Variants in C8A observed in about 807,000 individuals in gnomAD.
The protein encoded by C8A is complement component C8 alpha chain.
Under a neutral mutation model 65.3 loss-of-function variants are expected in C8A, and 67 were observed. That is an observed-to-expected ratio of 1.03 (90% confidence interval 0.84 to 1.26). The LOEUF (loss-of-function observed/expected upper bound fraction) is 1.26. C8A is among the 50% of genes most tolerant of loss of function. The probability of loss-of-function intolerance (pLI) is 0.00; values close to 1 mark genes in which losing one functional copy is unlikely to be tolerated. For synonymous variants in C8A, 290 were observed against 259.4 expected, an observed-to-expected ratio of 1.12 and a Z score of -1.13; for missense variants, 781 against 723.9, an observed-to-expected ratio of 1.08 and a Z score of -0.90.
At chr1:56,913,827 C>G (rs1347265191) in intron 10 of C8A, among the ~76,000 whole-genome samples, 2 of 152,146 alleles carry the variant, frequency 1.3e-5, no homozygotes, top group African/African-American at 2.4e-5. Flanking sequence ...AGGGTTGAAG[C>G]ACAGGGTGGA....
Position 56,906,110 on chromosome 1 carries a change from T to C in C8A, c.1097-557T>C, listed in dbSNP as rs566681097. ...TGGCCTCTCTGGGGCGCAAAGAGGA[T>C]CTGGACAAAGAGAATTGTGATGAAG... On this transcript the variant is annotated intron_variant, in intron 7 of 10. Transcript: ENST00000361249. 2.0e-4 allele frequency among the ~76,000 whole-genome samples: 31 copies of C among 152,180 alleles called. No individual in the cohort carries two copies. In the South Asian group the frequency reaches 6.0e-3, roughly 30 times the overall value.
At chr1:56,892,066 A>G (rs1644350686) in intron 7 of C8A, among the ~76,000 whole-genome samples, 1 of 151,952 alleles carries the variant, frequency 6.6e-6, no homozygotes, top group Non-Finnish European at 1.5e-5. Context: ...AACTCTTACC[A>G]TCATGTGAAT....
At chr1:56,871,557 A>G (rs1196777090) in intron 2 of C8A, among the ~76,000 whole-genome samples, 1 of 152,234 alleles carries the variant, frequency 6.6e-6, no homozygotes, top group East Asian at 1.9e-4. Flanking sequence ...AAAAATGAGA[A>G]AACAGGATCA....
intron 4 of C8A, 59 bp downstream of exon 4, chr1:56,876,268 C>T (rs1644198472): frequency 1.2e-6 from 2 of 1,605,668 alleles, no homozygotes; most frequent in Middle Eastern, 1.7e-4. Context: ...CAATCGTGAG[C>T]ATTAGTTTTG....
At chr1:56,905,783 T>A (rs956881229) in intron 7 of C8A, among the ~76,000 whole-genome samples, 1 of 152,230 alleles carries the variant, frequency 6.6e-6, no homozygotes, top group African/African-American at 2.4e-5. Context: ...AACTTCCAGA[T>A]GACTCCTTTA....
At position 56,907,987 on chromosome 1, in the gene C8A, C is replaced by A; in HGVS notation, c.1254C>A (p.Asp418Glu). The A allele has an allele frequency of 6.2e-7, 1 of 1,614,162 alleles. No homozygotes were observed. The highest frequency in any genetic ancestry group is 8.5e-7 in the Non-Finnish European group (1 of 1,180,022). The change falls in exon 9 of 11, where the codon GAC becomes GAA. Residue 418 changes from aspartate to glutamate, a missense_variant. By Grantham distance (45) the Asp-to-Glu change is conservative. Coordinates refer to ENST00000361249, the MANE Select transcript of C8A (RefSeq NM_000562.3). Reference sequence around the variant, plus strand: ...CCAGGAAGGCCATGGCTGTGGAAGACATTATTTCTCGGGTGCGAGGTGGCA... The same window carrying A: ...CCAGGAAGGCCATGGCTGTGGAAGAAATTATTTCTCGGGTGCGAGGTGGCA... ...ERARKAMAVEDIISRVRGGSS... is the reference protein window; with the variant it reads ...ERARKAMAVEEIISRVRGGSS...
chr1:56,892,788 C>A (rs1041108303), intron 7 of C8A, among the ~76,000 whole-genome samples: 1 of 152,128 alleles, frequency 6.6e-6, no homozygotes. Context: ...TTTGTTTCAG[C>A]TTTTGTGCCC....
chr1:56,906,633 C>A, intron 7 of C8A, 34 bp from the exon 8 acceptor site: 2 of 1,613,402 alleles, frequency 1.2e-6, no homozygotes, highest in Non-Finnish European at 1.7e-6. Context: ...TTTAATAACT[C>A]AGCATTTTGT....
Position 56,912,476 on chromosome 1 carries a change from G to C in C8A, c.1454G>C (p.Arg485Pro), listed in dbSNP as rs1620075. 10 of 1,614,122 alleles carry C rather than the reference G, an allele frequency of 6.2e-6. No homozygotes were observed. Among genetic ancestry groups the C allele is most frequent in the Non-Finnish European group, 8.5e-6 (10 of 1,180,036 alleles). ...PLEAKRQNLR[R>P]ALDQYLMEFN... Reference sequence around the variant, plus strand: ...GAGGCCAAGCGCCAGAACCTGCGCCGCGCCTTGGACCAGTATCTGATGGAA... The same window carrying C: ...GAGGCCAAGCGCCAGAACCTGCGCCCCGCCTTGGACCAGTATCTGATGGAA... The change falls in exon 10 of 11, where the codon CGC becomes CCC. Residue 485 changes from arginine (R) to proline (P), a missense_variant. Transcript: ENST00000361249.
intron 1 of C8A, among the ~76,000 whole-genome samples, chr1:56,860,857 C>T (rs1644027205): frequency 6.6e-6 from 1 of 152,126 alleles, no homozygotes; most frequent in Admixed American, 6.5e-5. Context: ...TGAGGAATTC[C>T]AGTTTTTGGA....
At chr1:56,904,425 T>C (rs1331218932) in intron 7 of C8A, among the ~76,000 whole-genome samples, 1 of 152,228 alleles carries the variant, frequency 6.6e-6, no homozygotes, top group Non-Finnish European at 1.5e-5. Context: ...GATCTTACCT[T>C]TGCAGTTTTG....
At chr1:56,883,791 T>C (rs6697228) in intron 6 of C8A, 110 bp downstream of exon 6, 144,119 of 944,930 alleles carry the variant, frequency 0.15, 13,582 homozygotes, top group East Asian at 0.38. Flanking sequence ...AATTTGCTTG[T>C]GTAATTGGAA....
chr1:56,874,163 G>A (rs1644174819), intron 2 of C8A, among the ~76,000 whole-genome samples: 1 of 152,136 alleles, frequency 6.6e-6, no homozygotes, highest in Admixed American at 6.5e-5. Context: ...CCAGGAGAAA[G>A]AATCTGTCTC....
intron 1 of C8A, among the ~76,000 whole-genome samples, chr1:56,855,353 A>C (rs1643963665): frequency 6.6e-6 from 1 of 152,198 alleles, no homozygotes; most frequent in Non-Finnish European, 1.5e-5. Context: ...AATAAATGAC[A>C]GTTCTCCTGA....
At chr1:56,893,255 C>A (rs1644362267) in intron 7 of C8A, among the ~76,000 whole-genome samples, 1 of 152,046 alleles carries the variant, frequency 6.6e-6, no homozygotes, top group Admixed American at 6.6e-5. Flanking sequence ...ACTGTGATAC[C>A]TTAAATACTG....
chr1:56,880,490 T>A (rs1270640949), intron 4 of C8A, among the ~76,000 whole-genome samples: 1 of 152,132 alleles, frequency 6.6e-6, no homozygotes. Flanking sequence ...AGAGAGCTTC[T>A]AGACTGTGTT....
intron 6 of C8A, 47 bp downstream of exon 6, chr1:56,883,728 C>T (rs756182404): frequency 1.4e-6 from 2 of 1,480,046 alleles, no homozygotes; most frequent in Non-Finnish European, 1.9e-6. Context: ...ATAATATACA[C>T]TGAACACGTA....
chr1:56,875,967 G>C, intron 3 of C8A, 95 bp from the exon 4 acceptor site: 1 of 1,481,332 alleles, frequency 6.8e-7, no homozygotes, highest in Non-Finnish European at 9.2e-7. Context: ...ACAGATGGGA[G>C]GTTTATTTCT....
At chr1:56,864,308 T>C (rs1382821243) in intron 1 of C8A, among the ~76,000 whole-genome samples, 3 of 152,182 alleles carry the variant, frequency 2.0e-5, no homozygotes, top group Non-Finnish European at 2.9e-5. Context: ...CAGTGGGGTC[T>C]AGGTGTTTAG....
Sources: allele counts gnomAD v4.1 joint callset (sites outside exome capture counted in the v4.1 genomes callset), GRCh38; gene constraint gnomAD v4.1.1; transcripts MANE v1.5; gene names NCBI Gene and HGNC (gene_info 2026-07-23, HGNC 2026-07-21).